The following MAN2A1 variants were observed in gnomAD, a reference collection of about 807,000 sequenced individuals.
MAN2A1 encodes the protein alpha-mannosidase 2.
A neutral mutation model predicts 142.6 loss-of-function variants in MAN2A1; 76 were observed. The ratio of observed to expected loss-of-function variants is 0.53; its 90% CI spans 0.44 to 0.65. MAN2A1 has a LOEUF of 0.65. Ranked by LOEUF, MAN2A1 falls within the 30% of genes least tolerant of loss-of-function variation. The probability of loss-of-function intolerance (pLI) is 0.00; values close to 1 mark genes in which losing one functional copy is unlikely to be tolerated. For missense variants in MAN2A1, 1,311 were observed against 1,365.1 expected, an observed-to-expected ratio of 0.96 and a Z score of 0.62; for synonymous variants, 559 against 473.2, an observed-to-expected ratio of 1.18 and a Z score of -2.35.
At chr5:109,745,465 C>T (rs922561823) in intron 4 of MAN2A1, among the ~76,000 whole-genome samples, 2 of 151,968 alleles carry the variant, frequency 1.3e-5, no homozygotes, top group Non-Finnish European at 1.5e-5. Flanking sequence ...TATTCTTTAA[C>T]GTCTTTCACA....
chr5:109,697,587 T>G (rs1296932542), intron 1 of MAN2A1, among the ~76,000 whole-genome samples: 1 of 152,238 alleles, frequency 6.6e-6, no homozygotes, highest in Non-Finnish European at 1.5e-5. Context: ...TTTAATAATG[T>G]TTCATGACAT....
At chr5:109,852,044 C>T (rs1580317704) in intron 19 of MAN2A1, among the ~76,000 whole-genome samples, 2 of 151,118 alleles carry the variant, frequency 1.3e-5, no homozygotes, top group East Asian at 3.9e-4. Context: ...CAGGGTGACA[C>T]AGATTTCCAG....
chr5:109,697,776 T>C (rs1378903466), intron 1 of MAN2A1, among the ~76,000 whole-genome samples: 2 of 152,212 alleles, frequency 1.3e-5, no homozygotes, highest in African/African-American at 2.4e-5. Flanking sequence ...TGGAGGCAAA[T>C]AGTATTGTTA....
chr5:109,835,959 G>A (rs1755044682), intron 16 of MAN2A1, among the ~76,000 whole-genome samples: 1 of 152,118 alleles, frequency 6.6e-6, no homozygotes, highest in African/African-American at 2.4e-5. Flanking sequence ...GTCATTAGTT[G>A]TTGCTCAGAG....
Position 109,716,009 on chromosome 5 carries a change from A to G in MAN2A1, c.391-111A>G, listed in dbSNP as rs533663572. ...CCTCAATGTCTACAGAAATAGTTTT[A>G]TTTTATAAAATACATATGCAGAGTA... On this transcript the variant is annotated intron_variant, in intron 2 of 21. Coordinates refer to ENST00000261483, the MANE Select transcript of MAN2A1 (RefSeq NM_002372.4). 557 of 636,734 alleles carry G rather than the reference A, an allele frequency of 8.7e-4. 2 individuals are homozygous for G. In the South Asian group the frequency reaches 0.011, roughly 13 times the overall value. The allele number at this position is 636,734 out of a possible 1,614,324, so 39.4% of individuals were successfully genotyped here.
At chr5:109,858,099 A>T (rs1017954374) in intron 20 of MAN2A1, among the ~76,000 whole-genome samples, 9 of 152,238 alleles carry the variant, frequency 5.9e-5, no homozygotes, top group African/African-American at 2.2e-4. Context: ...ACTTAACAAC[A>T]TAAAGATTTG....
At chr5:109,759,962 T>TATATAG (rs1554076304) in intron 5 of MAN2A1, among the ~76,000 whole-genome samples, 14 of 49,482 alleles carry the variant, frequency 2.8e-4, no homozygotes, top group African/African-American at 4.6e-4. Flanking sequence ...TATATATATA[T>TATATAG]ATAGATAGAT....
intron 1 of MAN2A1, among the ~76,000 whole-genome samples, chr5:109,693,034 G>T (rs1037836075): frequency 1.3e-5 from 2 of 152,136 alleles, no homozygotes; most frequent in Admixed American, 6.5e-5. Context: ...GTGTGGCCTG[G>T]TTCCTAACAG....
chr5:109,845,080 C>T (rs1460269511), intron 17 of MAN2A1, among the ~76,000 whole-genome samples: 3 of 152,160 alleles, frequency 2.0e-5, no homozygotes, highest in Admixed American at 6.5e-5. Context: ...TTAACTATTA[C>T]GGTAACTTTG....
At chr5:109,860,720 G>A (rs976085273) in intron 20 of MAN2A1, among the ~76,000 whole-genome samples, 1 of 152,176 alleles carries the variant, frequency 6.6e-6, no homozygotes, top group Non-Finnish European at 1.5e-5. Flanking sequence ...AAAAGAGACT[G>A]TCATGTGTGT....
In MAN2A1 at chr5:109,743,367, A is replaced by T. The variant is rs982062664; in HGVS notation, c.708-11962A>T. On this transcript the variant is annotated intron_variant, in intron 4 of 21. Transcript: ENST00000261483. ...TTCTCTAGTTAGTGGCAATAGTAAG[A>T]GATAAGCACTCGTTTAATTATTCAG... Among the ~76,000 whole-genome samples, 48 of 152,216 alleles carry T rather than the reference A, an allele frequency of 3.2e-4. 1 individual carries two copies. The highest frequency in any genetic ancestry group is 6.9e-4 in the Non-Finnish European group (47 of 68,040).
intron 5 of MAN2A1, 73 bp from the exon 6 acceptor site, chr5:109,767,462 C>A: frequency 8.1e-7 from 1 of 1,238,594 alleles, no homozygotes; most frequent in Non-Finnish European, 1.1e-6. Context: ...GACAATGAGT[C>A]TGAATGTGTT....
intron 5 of MAN2A1, among the ~76,000 whole-genome samples, chr5:109,761,232 GT>G (rs1479791644): frequency 3.3e-5 from 5 of 151,486 alleles, no homozygotes; most frequent in Non-Finnish European, 7.4e-5. Flanking sequence ...CTATATGTCT[GT>G]TTAGTATTTT....
intron 4 of MAN2A1, among the ~76,000 whole-genome samples, chr5:109,753,355 T>C (rs1024708561): frequency 1.3e-5 from 2 of 152,212 alleles, no homozygotes; most frequent in Non-Finnish European, 2.9e-5. Flanking sequence ...ACCGGTAGCC[T>C]TGAATTTAGT....
At chr5:109,761,256 A>G (rs1050271538) in intron 5 of MAN2A1, among the ~76,000 whole-genome samples, 22 of 151,910 alleles carry the variant, frequency 1.4e-4, no homozygotes, top group African/African-American at 5.3e-4. Context: ...TGCATAGATA[A>G]CATCTCTTAT....
intron 12 of MAN2A1, among the ~76,000 whole-genome samples, chr5:109,808,738 C>T (rs976806577): frequency 1.4e-5 from 2 of 142,626 alleles, no homozygotes; most frequent in Admixed American, 1.4e-4. Context: ...GAGTCTCACC[C>T]TGTCACCCAG....
intron 1 of MAN2A1, among the ~76,000 whole-genome samples, chr5:109,695,345 C>T (rs1750783352): frequency 6.6e-6 from 1 of 152,188 alleles, no homozygotes. Context: ...TCTCTCTTAG[C>T]TTTTAATTTG....
chr5:109,716,144 T>G lies in MAN2A1; in HGVS notation c.415T>G (p.Ser139Ala). 1.9e-6 allele frequency: 3 copies of G among 1,610,236 alleles called. No homozygotes were observed. The highest frequency in any genetic ancestry group is 2.5e-6 in the Non-Finnish European group (3 of 1,177,596). The change falls in exon 3 of 22, where the codon TCT becomes GCT. Residue 139 changes from serine (S) to alanine (A), a missense_variant. Coordinates refer to ENST00000261483, the MANE Select transcript of MAN2A1 (RefSeq NM_002372.4). ...VQMLDVYSLI[S>A]FDNPDGGVWK... ...GATGTTGGATGTTTACAGTCTAATT[T>G]CTTTTGACAATCCAGATGGTGGAGT...
chr5:109,857,802 G>A (rs1331820124), intron 20 of MAN2A1, among the ~76,000 whole-genome samples: 2 of 152,146 alleles, frequency 1.3e-5, no homozygotes, highest in East Asian at 3.9e-4. Flanking sequence ...TCTGCAGCCT[G>A]GCCTCTACTT....
Sources: allele counts gnomAD v4.1 joint callset (sites outside exome capture counted in the v4.1 genomes callset), GRCh38; gene constraint gnomAD v4.1.1; transcripts MANE v1.5; gene names NCBI Gene and HGNC (gene_info 2026-07-23, HGNC 2026-07-21).